The following PRKG1 variants were observed in gnomAD, a reference collection of about 807,000 sequenced individuals.
The protein encoded by PRKG1 is protein kinase cGMP-dependent 1, also known as cGMP-dependent protein kinase 1.
Under a neutral mutation model 88.1 loss-of-function variants are expected in PRKG1, and 35 were observed. The ratio of observed to expected loss-of-function variants is 0.40; its 90% CI spans 0.30 to 0.53. The LOEUF (loss-of-function observed/expected upper bound fraction) is 0.53, where lower values mean the gene tolerates loss of function less well. Ranked by LOEUF, PRKG1 falls within the 20% of genes least tolerant of loss-of-function variation. The pLI is 0.59. For synonymous variants in PRKG1, 303 were observed against 292.5 expected (o/e 1.04, Z -0.37); for missense variants, 540 against 839.8 (o/e 0.64, Z 4.41).
chr10:51,446,210 A>G (rs1839268424), intron 2 of PRKG1, among the ~76,000 whole-genome samples: 1 of 152,016 alleles, frequency 6.6e-6, no homozygotes, highest in Admixed American at 6.6e-5. Context: ...GTAATGACGT[A>G]CATCCTAGAA....
chr10:51,554,795 C>A (rs1837268272), intron 3 of PRKG1, among the ~76,000 whole-genome samples: 1 of 151,750 alleles, frequency 6.6e-6, no homozygotes, highest in South Asian at 2.1e-4. Context: ...TTGTTAAATC[C>A]ATGAATGGTA....
At chr10:52,206,387 A>G (rs377616853) in intron 9 of PRKG1, among the ~76,000 whole-genome samples, 1 of 151,856 alleles carries the variant, frequency 6.6e-6, no homozygotes, top group Non-Finnish European at 1.5e-5. Context: ...ACTCCTCTCT[A>G]TATTCTGAAT....
intron 3 of PRKG1, among the ~76,000 whole-genome samples, chr10:51,512,779 C>T (rs919641737): frequency 1.6e-5 from 1 of 62,072 alleles, no homozygotes; most frequent in Non-Finnish European, 3.2e-5. Context: ...CACTGACTTC[C>T]ACAATGGTTG....
intron 5 of PRKG1, among the ~76,000 whole-genome samples, chr10:51,932,165 G>A (rs1447710858): frequency 1.3e-5 from 2 of 148,462 alleles, no homozygotes; most frequent in African/African-American, 4.9e-5. Flanking sequence ...AAGATATTCA[G>A]TATCATTTTA....
chr10:51,299,195 T>G (rs1039971109), intron 2 of PRKG1, among the ~76,000 whole-genome samples: 1 of 152,098 alleles, frequency 6.6e-6, no homozygotes, highest in African/African-American at 2.4e-5. Flanking sequence ...CCCATTCTTT[T>G]TATCTGTATT....
intron 9 of PRKG1, among the ~76,000 whole-genome samples, chr10:52,211,538 G>T (rs1564517679): frequency 6.6e-6 from 1 of 151,744 alleles, no homozygotes; most frequent in Non-Finnish European, 1.5e-5. Flanking sequence ...ACTATCAGAT[G>T]GTACAGTAAT....
intron 5 of PRKG1, among the ~76,000 whole-genome samples, chr10:51,957,097 CTT>C (rs1239880126): frequency 2.7e-5 from 3 of 109,516 alleles, no homozygotes; most frequent in African/African-American, 3.8e-5. Context: ...TCTGTCTTTT[CTT>C]TCTCTCTCTC....
At chr10:51,908,734 A>ATATTT (rs563212069) in intron 5 of PRKG1, 10 of 52,232 alleles carry the variant, frequency 1.9e-4, no homozygotes, top group African/African-American at 5.8e-4. Context: ...TCTATATGTA[A>ATATTT]TTTTTTTTTT....
At position 51,398,412 on chromosome 10, in the gene PRKG1, C is replaced by T. The variant is rs146773006; in HGVS notation, c.479-69311C>T. On this transcript the variant is annotated intron_variant, in intron 2 of 17. Transcript: ENST00000373980. ...ATGCTCACTCACCTGCTGCTCACCT[C>T]CTGCTGTGTGGCCCGGTTCCTAACA... Among the ~76,000 whole-genome samples, 722 of 152,264 alleles carry T rather than the reference C, an allele frequency of 4.7e-3. 6 individuals carry two copies. Among genetic ancestry groups the T allele is most frequent in the African/African-American group, 0.016 (678 of 41,548 alleles).
At chr10:51,542,527 T>C (rs1345403995) in intron 3 of PRKG1, among the ~76,000 whole-genome samples, 1 of 152,166 alleles carries the variant, frequency 6.6e-6, no homozygotes, top group Admixed American at 6.6e-5. Flanking sequence ...CTATGTTCTT[T>C]GATTTAAAAC....
intron 2 of PRKG1, among the ~76,000 whole-genome samples, chr10:51,177,350 A>G (rs997144383): frequency 2.6e-5 from 4 of 152,236 alleles, no homozygotes; most frequent in Non-Finnish European, 5.9e-5. Context: ...TGTAAGATCT[A>G]AGTAACTCTT....
At chr10:51,916,953 T>C (rs1011539844) in intron 5 of PRKG1, among the ~76,000 whole-genome samples, 4 of 152,182 alleles carry the variant, frequency 2.6e-5, no homozygotes, top group South Asian at 4.1e-4. Context: ...ACATGAAGTA[T>C]ATAAAACAGA....
chr10:51,011,685 G>A (rs952688402), intron 1 of PRKG1, among the ~76,000 whole-genome samples: 3 of 152,072 alleles, frequency 2.0e-5, no homozygotes, highest in East Asian at 1.9e-4. Flanking sequence ...AGGATTTGCA[G>A]CCACTTAATC....
At chr10:52,203,331 A>T (rs1036495155) in intron 9 of PRKG1, among the ~76,000 whole-genome samples, 2 of 152,056 alleles carry the variant, frequency 1.3e-5, no homozygotes, top group African/African-American at 2.4e-5. Flanking sequence ...GTTTTAAGTG[A>T]TCTTCTTAGT....
chr10:51,302,904 C>T (rs1840930234), intron 2 of PRKG1: 1 of 152,104 alleles, frequency 6.6e-6, no homozygotes, highest in Non-Finnish European at 1.5e-5. Context: ...AGTTAAAGTT[C>T]AGAGAAGTTA....
chr10:51,153,431 C>A, intron 2 of PRKG1, 101 bp downstream of exon 2: 1 of 1,178,938 alleles, frequency 8.5e-7, no homozygotes, highest in Non-Finnish European at 1.1e-6. Context: ...TTCCATTTTT[C>A]CTTCTTTTAT....
At chr10:51,785,577 C>G (rs77560365) in intron 3 of PRKG1, among the ~76,000 whole-genome samples, 1,577 of 152,044 alleles carry the variant, frequency 0.01, 38 homozygotes, top group African/African-American at 0.036. Flanking sequence ...ATTCCTTTTT[C>G]ACAATACTAA....
intron 7 of PRKG1, among the ~76,000 whole-genome samples, chr10:52,109,297 T>A (rs1847499592): frequency 6.6e-6 from 1 of 152,228 alleles, no homozygotes; most frequent in South Asian, 2.1e-4. Flanking sequence ...TTCCCCCTAC[T>A]TAACCCGCAT....
At chr10:51,733,078 A>G (rs78890126) in intron 3 of PRKG1, among the ~76,000 whole-genome samples, 3,271 of 152,166 alleles carry the variant, frequency 0.021, 115 homozygotes, top group African/African-American at 0.075. Context: ...CAACAACAAA[A>G]AAAACACACC....
Sources: gnomAD v4.1 joint callset for allele counts (sites outside exome capture counted in the v4.1 genomes callset) on GRCh38, gnomAD v4.1.1 for gene constraint, MANE v1.5 for transcripts, NCBI Gene and HGNC (gene_info 2026-07-23, HGNC 2026-07-21) for gene names.